The following ALKBH8 variants were observed in gnomAD, a reference collection of about 807,000 sequenced individuals.
ALKBH8 encodes alkB homolog 8, tRNA methyltransferase.
Under a neutral mutation model 59.8 loss-of-function variants are expected in ALKBH8, and 36 were observed. The observed-to-expected ratio is 0.60, with a 90% CI of 0.46 to 0.79. The LOEUF is 0.79. Among genes scored for constraint, ALKBH8 ranks in the 30% least tolerant of loss-of-function variants. The probability of loss-of-function intolerance (pLI) is 0.00; values close to 1 mark genes in which losing one functional copy is unlikely to be tolerated. For missense variants in ALKBH8, 768 were observed against 801.0 expected, an observed-to-expected ratio of 0.96 and a Z score of 0.50; for synonymous variants, 276 against 273.6, an observed-to-expected ratio of 1.01 and a Z score of -0.09.
Position 107,530,600 on chromosome 11 carries a change from AACACACACACACACACAC to A in ALKBH8, c.878+1682_878+1699del, listed in dbSNP as rs66736211. Among the ~76,000 whole-genome samples the A allele has an allele frequency of 7.9e-3, 1,043 of 132,194 alleles. 19 individuals are homozygous for A. The highest frequency in any genetic ancestry group is 0.017 in the South Asian group (68 of 3,886). 86.7% of individuals were successfully genotyped at this position (132,194 alleles called of 152,430 possible). A position where few individuals can be genotyped will look rare whatever the true frequency, so the allele number is the denominator to read the frequency against. On this transcript the variant is annotated intron_variant, in intron 8 of 11. Coordinates refer to ENST00000428149, the MANE Select transcript of ALKBH8 (RefSeq NM_138775.3). ...CATTTCCCCATCTCTCTCTCTTCCT[AACACACACACACACACAC>A]ACACACACACACACACACACACACA...
rs1334785716 is a variant in ALKBH8 at position 107,556,870 on chromosome 11, C to G, written c.263G>C (p.Arg88Thr). 3 of 1,608,280 alleles carry G rather than the reference C, an allele frequency of 1.9e-6. No individual in the cohort carries two copies. The highest frequency in any genetic ancestry group is 2.5e-6 in the Non-Finnish European group (3 of 1,177,314). Reference sequence around the variant, plus strand: ...GGCTCTCTTAGATTCTTCTGTAGTTCTGTATCTTGCAAATGAGTACGGCTT... The same window carrying G: ...GGCTCTCTTAGATTCTTCTGTAGTTGTGTATCTTGCAAATGAGTACGGCTT... ...PNKPYSFARY[R>T]TTEESKRAYV... Residue 88 changes from arginine to threonine, a missense_variant, in exon 3 of 12, where the codon AGA becomes ACA. Physicochemically the swap from Arg to Thr is moderately conservative, Grantham distance 71. Transcript: ENST00000428149.
chr11:107,536,243 T>G (rs1221725583), intron 7 of ALKBH8, among the ~76,000 whole-genome samples: 18 of 152,246 alleles, frequency 1.2e-4, no homozygotes, highest in Admixed American at 1.2e-3. Flanking sequence ...CTGAACCTAT[T>G]CTGGTTCAGG....
intron 7 of ALKBH8, among the ~76,000 whole-genome samples, chr11:107,533,321 G>C (rs1863674097): frequency 6.6e-6 from 1 of 152,116 alleles, no homozygotes. Flanking sequence ...ATTCAGCATA[G>C]TACCTTCCTT....
intron 7 of ALKBH8, among the ~76,000 whole-genome samples, chr11:107,541,708 C>G (rs964963789): frequency 2.0e-5 from 3 of 152,126 alleles, no homozygotes; most frequent in Non-Finnish European, 4.4e-5. Flanking sequence ...GCCTCCATAT[C>G]AGACATTCTG....
At chr11:107,556,022 G>A (rs539584614) in intron 3 of ALKBH8, among the ~76,000 whole-genome samples, 33 of 152,330 alleles carry the variant, frequency 2.2e-4, no homozygotes, top group African/African-American at 6.3e-4. Context: ...GCTCACGCCT[G>A]TAATCCCAGC....
chr11:107,526,237 A>G (rs572270472), intron 8 of ALKBH8, among the ~76,000 whole-genome samples: 1 of 152,126 alleles, frequency 6.6e-6, no homozygotes, highest in South Asian at 2.1e-4. Context: ...CCGGCAATAT[A>G]TGAGAGAGTT....
chr11:107,529,287 C>A (rs1388501873), intron 8 of ALKBH8, among the ~76,000 whole-genome samples: 1 of 152,046 alleles, frequency 6.6e-6, no homozygotes, highest in Non-Finnish European at 1.5e-5. Flanking sequence ...ATGCCTGGCA[C>A]AAGGAAAATG....
chr11:107,517,725 A>C (rs1054354743), intron 10 of ALKBH8, among the ~76,000 whole-genome samples: 4 of 152,248 alleles, frequency 2.6e-5, no homozygotes, highest in African/African-American at 9.6e-5. Context: ...TCATAGAACT[A>C]GAGTAGAACA....
At chr11:107,565,482 C>T in intron 1 of ALKBH8, 119 bp downstream of exon 1, 2 of 1,442,424 alleles carry the variant, frequency 1.4e-6, no homozygotes, top group Non-Finnish European at 1.9e-6. Context: ...TGGGATCCAT[C>T]CCCTTTCCCT....
chr11:107,553,078 A>C, intron 5 of ALKBH8, 30 bp downstream of exon 5: 1 of 1,378,296 alleles, frequency 7.3e-7, no homozygotes, highest in South Asian at 1.3e-5. Flanking sequence ...TTTTTGAGCC[A>C]GAATTTATTA....
At chr11:107,552,935 T>G (rs1198383726) in intron 5 of ALKBH8, among the ~76,000 whole-genome samples, 173 bp downstream of exon 5, 1 of 152,152 alleles carries the variant, frequency 6.6e-6, no homozygotes, top group Non-Finnish European at 1.5e-5. Context: ...CTATCCAGTT[T>G]GAAATTTTTT....
chr11:107,516,180 C>A (rs1011226752), intron 10 of ALKBH8, among the ~76,000 whole-genome samples: 1 of 152,128 alleles, frequency 6.6e-6, no homozygotes, highest in Non-Finnish European at 1.5e-5. Context: ...AGTTGAAAGT[C>A]GTTAAATGGT....
chr11:107,553,118 T>C lies in ALKBH8; in HGVS notation c.585A>G (p.Pro195=). 1 of 1,589,670 alleles carries C rather than the reference T, an allele frequency of 6.3e-7. No homozygotes were observed. The highest frequency in any genetic ancestry group is 8.6e-7 in the Non-Finnish European group (1 of 1,165,530). The change falls in exon 5 of 12, where the codon CCA becomes CCG. Residue 195 remains proline, a synonymous_variant. Transcript: ENST00000428149. ...TTAGCAATTACTTACCCCCAGATAA[T>C]GGCTTATCTTTATCTACATTGTTGT... ...YENNNVDKDK[P]LSGGLPDICE... is the part of the protein sequence containing the mutation.
At chr11:107,550,834 G>A (rs1260844110) in intron 6 of ALKBH8, among the ~76,000 whole-genome samples, 1 of 152,164 alleles carries the variant, frequency 6.6e-6, no homozygotes, top group African/African-American at 2.4e-5. Flanking sequence ...GGACATGTGA[G>A]GACATTGAGA....
intron 7 of ALKBH8, among the ~76,000 whole-genome samples, chr11:107,533,071 T>C (rs1414764015): frequency 6.6e-6 from 1 of 152,090 alleles, no homozygotes; most frequent in Middle Eastern, 3.2e-3. Context: ...TTTCGGCAAC[T>C]TTTCCTAAGT....
chr11:107,520,419 A>G (rs1414648997), intron 10 of ALKBH8, among the ~76,000 whole-genome samples: 1 of 152,184 alleles, frequency 6.6e-6, no homozygotes, highest in African/African-American at 2.4e-5. Flanking sequence ...ATTCTTCTCA[A>G]TTGCAACATA....
At chr11:107,537,911 G>C (rs1177227465) in intron 7 of ALKBH8, among the ~76,000 whole-genome samples, 2 of 152,030 alleles carry the variant, frequency 1.3e-5, no homozygotes, top group African/African-American at 2.4e-5. Flanking sequence ...ACCACAGAAG[G>C]AAAAGCTTTA....
At chr11:107,563,480 A>G (rs1865015546) in intron 1 of ALKBH8, 1 of 152,226 alleles carries the variant, frequency 6.6e-6, no homozygotes, top group African/African-American at 2.4e-5. Context: ...GAATAGGGAT[A>G]AAAATAATAG....
chr11:107,536,275 A>C (rs1863811772), intron 7 of ALKBH8, among the ~76,000 whole-genome samples: 1 of 152,238 alleles, frequency 6.6e-6, no homozygotes, highest in Admixed American at 6.5e-5. Flanking sequence ...TTTATCAATC[A>C]TTCATTGCAT....
Sources: gnomAD v4.1 joint callset for allele counts (sites outside exome capture counted in the v4.1 genomes callset) on GRCh38, gnomAD v4.1.1 for gene constraint, MANE v1.5 for transcripts, NCBI Gene and HGNC (gene_info 2026-07-23, HGNC 2026-07-21) for gene names.